Variants in EDA observed in about 807,000 individuals in gnomAD.
The protein encoded by EDA is ectodysplasin A, also known as ectodysplasin-A.
Under a neutral mutation model 23.6 loss-of-function variants are expected in EDA, and 2 were observed. The observed-to-expected ratio is 0.08, with a 90% CI of 0.03 to 0.27. The LOEUF is 0.27. Ranked by LOEUF, EDA falls within the 10% of genes least tolerant of loss-of-function variation. The probability of loss-of-function intolerance (pLI) is 1.00; values close to 1 mark genes in which losing one functional copy is unlikely to be tolerated. For missense variants in EDA, 229 were observed against 324.2 expected, an observed-to-expected ratio of 0.71 and a Z score of 2.26; for synonymous variants, 131 against 132.0, an observed-to-expected ratio of 0.99 and a Z score of 0.05.
At chrX:69,689,319 G>A (rs1362553991) in intron 1 of EDA, among the ~76,000 whole-genome samples, 6 of 95,224 alleles carry the variant, frequency 6.3e-5, no homozygotes, top group East Asian at 3.2e-4. Context: ...TTTTTGAGAC[G>A]GAGTCTTGCT....
At chrX:69,753,862 T>C (rs2013993854) in intron 1 of EDA, among the ~76,000 whole-genome samples, 2 of 107,955 alleles carry the variant, frequency 1.9e-5, no homozygotes, top group South Asian at 8.3e-4. Flanking sequence ...CTTTGTTGGT[T>C]TAAAGTCTGT....
At chrX:69,893,907 A>G (rs7886950) in intron 1 of EDA, among the ~76,000 whole-genome samples, 1,457 of 112,114 alleles carry the variant, frequency 0.013, 15 homozygotes, top group African/African-American at 0.043. Flanking sequence ...TTGGACCAAG[A>G]TGAATTCTAA....
At chrX:69,875,078 T>C (rs1007325776) in intron 1 of EDA, among the ~76,000 whole-genome samples, 1 of 111,135 alleles carries the variant, frequency 9.0e-6, no homozygotes, top group African/African-American at 3.3e-5. Flanking sequence ...ATCTACAAGT[T>C]CAATTCTCAT....
intron 1 of EDA, among the ~76,000 whole-genome samples, chrX:69,789,490 T>G (rs2015331938): frequency 8.9e-6 from 1 of 112,186 alleles, no homozygotes; most frequent in Non-Finnish European, 1.9e-5. Flanking sequence ...AAATGAAGGC[T>G]CTGCACCAGC....
chrX:69,731,059 A>G (rs1046788686), intron 1 of EDA, among the ~76,000 whole-genome samples: 2 of 112,421 alleles, frequency 1.8e-5, no homozygotes, highest in African/African-American at 6.5e-5. Context: ...ACTGTTCAGG[A>G]TATCTGTTTC....
intron 1 of EDA, among the ~76,000 whole-genome samples, chrX:69,769,462 C>T (rs901261540): frequency 1.9e-4 from 21 of 110,835 alleles, no homozygotes; most frequent in African/African-American, 6.2e-4. Flanking sequence ...TTTTTAATTC[C>T]GTCTGACAGT....
chrX:69,886,732 G>C (rs1325635743), intron 1 of EDA, among the ~76,000 whole-genome samples: 1 of 111,141 alleles, frequency 9.0e-6, no homozygotes, highest in Non-Finnish European at 1.9e-5. Flanking sequence ...ACAGCTGCTA[G>C]AGCCCCTGAT....
chrX:69,954,877 T>C (rs763855193), intron 1 of EDA, among the ~76,000 whole-genome samples: 61 of 112,088 alleles, frequency 5.4e-4, no homozygotes, highest in Non-Finnish European at 1.1e-3. Context: ...TGTGTCCATG[T>C]GTTCCCATCA....
intron 1 of EDA, among the ~76,000 whole-genome samples, chrX:69,727,458 G>T (rs187818161): frequency 8.9e-6 from 1 of 112,227 alleles, no homozygotes; most frequent in Non-Finnish European, 1.9e-5. Context: ...TTTGATTTAT[G>T]GTTGGCCATT....
chrX:69,783,322 A>C (rs1450405410), intron 1 of EDA, among the ~76,000 whole-genome samples: 1 of 109,792 alleles, frequency 9.1e-6, no homozygotes, highest in African/African-American at 3.3e-5. Context: ...GTTTTAGGGT[A>C]CATGTGCACA....
chrX:69,676,390 G>A (rs927905504), intron 1 of EDA, among the ~76,000 whole-genome samples: 10 of 111,112 alleles, frequency 9.0e-5, no homozygotes, highest in Non-Finnish European at 1.5e-4. Context: ...GTTGGATTCT[G>A]AATTTACTGT....
chrX:69,714,582 G>A (rs1180248415), intron 1 of EDA, among the ~76,000 whole-genome samples: 1 of 111,631 alleles, frequency 9.0e-6, no homozygotes, highest in Admixed American at 9.6e-5. Flanking sequence ...TATATAAATT[G>A]TGAAGATTAT....
intron 2 of EDA, among the ~76,000 whole-genome samples, chrX:69,975,160 C>G (rs910869423): frequency 1.6e-4 from 18 of 111,872 alleles, no homozygotes; most frequent in African/African-American, 5.5e-4. Flanking sequence ...AAGATGTATG[C>G]ACTCATATGT....
intron 2 of EDA, among the ~76,000 whole-genome samples, chrX:69,980,226 C>G (rs1260903423): frequency 9.0e-6 from 1 of 111,509 alleles, no homozygotes; most frequent in Non-Finnish European, 1.9e-5. Context: ...TTTCTTCTCC[C>G]TCACCCTCCT....
intron 1 of EDA, among the ~76,000 whole-genome samples, chrX:69,853,172 G>A (rs1448519313): frequency 1.8e-5 from 2 of 111,696 alleles, no homozygotes. Context: ...ATAAAAGAAG[G>A]CCCTGAGGTA....
chrX:69,647,842 G>T (rs1464020269), intron 1 of EDA, among the ~76,000 whole-genome samples: 9 of 111,747 alleles, frequency 8.1e-5, no homozygotes, highest in Admixed American at 9.5e-5. Context: ...TTTGATCTTT[G>T]AGGTTACTGA....
intron 1 of EDA, among the ~76,000 whole-genome samples, chrX:69,951,183 A>G (rs189891921): frequency 9.0e-6 from 1 of 111,188 alleles, no homozygotes; most frequent in African/African-American, 3.3e-5. Flanking sequence ...AAAATAAAAA[A>G]AAATAAAAAA....
chrX:69,871,173 T>G (rs1421080057), intron 1 of EDA, among the ~76,000 whole-genome samples: 2 of 111,488 alleles, frequency 1.8e-5, no homozygotes, highest in African/African-American at 6.5e-5. Flanking sequence ...AGTAGAGTCC[T>G]TAGCATTTTT....
intron 1 of EDA, among the ~76,000 whole-genome samples, chrX:69,815,169 AG>A (rs1479741407): frequency 6.3e-5 from 7 of 111,662 alleles, no homozygotes; most frequent in Admixed American, 2.8e-4. Flanking sequence ...TCCTGGGGGG[AG>A]GGGAAGTTGC....
Sources: allele counts gnomAD v4.1 joint callset (sites outside exome capture counted in the v4.1 genomes callset), GRCh38; gene constraint gnomAD v4.1.1; transcripts MANE v1.5; gene names NCBI Gene and HGNC (gene_info 2026-07-23, HGNC 2026-07-21).